Variants in FBXL17 observed in about 807,000 individuals in gnomAD.
FBXL17 encodes F-box and leucine rich repeat protein 17, also known as F-box/LRR-repeat protein 17.
Under a neutral mutation model 66.2 loss-of-function variants are expected in FBXL17, and 22 were observed. That is an observed-to-expected ratio of 0.33 (90% CI 0.24 to 0.47). The LOEUF (loss-of-function observed/expected upper bound fraction) is 0.47. FBXL17 is among the 20% of genes least tolerant of loss of function. The pLI is 1.00. For missense variants in FBXL17, 878 were observed against 948.2 expected (o/e 0.93, Z 0.97); for synonymous variants, 474 against 400.5 (o/e 1.18, Z -2.19).
chr5:108,381,154 G>A lies in FBXL17; in HGVS notation c.538C>T (p.Arg180Trp), dbSNP rs1451982318. Reference protein sequence around the residue: ...LGPPAAVQLFRGPTPSPAELP... With the variant: ...LGPPAAVQLFWGPTPSPAELP... The stretch of plus-strand genomic sequence containing the variant: ...TCGGCCGGTGACGGTGTCGGCCCCC[G>A]GAAGAGCTGCACGGCGGCGGGCGGC... Residue 180 changes from arginine (R) to tryptophan (W), a missense_variant, in exon 1 of 9, where the codon CGG becomes TGG. By Grantham distance (101) the Arg-to-Trp change is moderately radical. This residue lies in a region of FBXL17 where 605 missense variants were observed against 509.5 expected (regional missense o/e 1.19). Coordinates refer to ENST00000542267, the MANE Select transcript of FBXL17 (RefSeq NM_001163315.3). 3.5e-6 allele frequency: 5 copies of A among 1,408,832 alleles called. No individual in the cohort carries two copies. The Admixed American group carries it at 1.2e-4, about 33-fold the overall frequency. 87.3% of individuals were successfully genotyped at this position (1,408,832 alleles called of 1,614,324 possible).
In FBXL17 at chr5:108,154,315, C is replaced by T. The variant is rs560649123; in HGVS notation, c.1745+31802G>A. Among the ~76,000 whole-genome samples, 21 of 142,504 alleles carry T rather than the reference C, an allele frequency of 1.5e-4. No homozygotes were observed. In the Middle Eastern group the frequency reaches 0.012, roughly 83 times the overall value. 93.5% of individuals were successfully genotyped at this position (142,504 alleles called of 152,430 possible). ...AAAAAAAAAAAAAAAAAAGATATGC[C>T]AGGCATGGTGGCTCACGCCTGTAAT... On this transcript the variant is annotated intron_variant, in intron 6 of 8. Transcript: ENST00000542267.
intron 7 of FBXL17, among the ~76,000 whole-genome samples, chr5:107,907,809 G>A (rs1462793242): frequency 1.3e-5 from 2 of 152,174 alleles, no homozygotes; most frequent in Non-Finnish European, 2.9e-5. Flanking sequence ...GTGCTGGAGA[G>A]GATGTGGAGA....
chr5:108,214,426 G>A (rs866235829), intron 5 of FBXL17, among the ~76,000 whole-genome samples: 3 of 148,770 alleles, frequency 2.0e-5, no homozygotes, highest in Non-Finnish European at 4.4e-5. Flanking sequence ...AGAATGCAGT[G>A]GCTCAATCTT....
intron 2 of FBXL17, among the ~76,000 whole-genome samples, chr5:108,366,757 AAATAACAAATTATCTT>A (rs1172178537): frequency 6.6e-6 from 1 of 152,086 alleles, no homozygotes; most frequent in African/African-American, 2.4e-5. Context: ...CCAAGCAAGT[AAATAACAAATTATCTT>A]AATAGTTTTA....
At chr5:107,866,142 C>T (rs187735516) in intron 8 of FBXL17, among the ~76,000 whole-genome samples, 2 of 151,806 alleles carry the variant, frequency 1.3e-5, no homozygotes, top group African/African-American at 4.8e-5. Flanking sequence ...AATTTCTTTT[C>T]CTCTTGCTGA....
intron 7 of FBXL17, among the ~76,000 whole-genome samples, chr5:107,968,642 T>C (rs1752244760): frequency 6.6e-6 from 1 of 152,174 alleles, no homozygotes; most frequent in Non-Finnish European, 1.5e-5. Context: ...ATTATTTTAA[T>C]ATAAAACTTA....
At chr5:108,085,506 C>T (rs1255120997) in intron 6 of FBXL17, among the ~76,000 whole-genome samples, 1 of 152,206 alleles carries the variant, frequency 6.6e-6, no homozygotes, top group Non-Finnish European at 1.5e-5. Flanking sequence ...TTCTTCTTTA[C>T]CTCTGCCACT....
intron 6 of FBXL17, among the ~76,000 whole-genome samples, chr5:108,161,161 G>GATAGATAGATACATAC (rs376656671): frequency 1.5e-4 from 22 of 149,202 alleles, no homozygotes; most frequent in African/African-American, 5.5e-4. Flanking sequence ...TCAACAAATA[G>GATAGATAGATACATAC]ATACATACAT....
intron 6 of FBXL17, among the ~76,000 whole-genome samples, chr5:108,043,117 C>T (rs537573835): frequency 3.3e-5 from 5 of 152,134 alleles, no homozygotes; most frequent in Admixed American, 1.3e-4. Flanking sequence ...ATATGCGATA[C>T]GTTAGTCATT....
intron 4 of FBXL17, among the ~76,000 whole-genome samples, chr5:108,322,604 A>G (rs1372830050): frequency 6.6e-6 from 1 of 151,952 alleles, no homozygotes; most frequent in Admixed American, 6.6e-5. Context: ...CCTGGTTTGT[A>G]TTTTTGAAAA....
intron 6 of FBXL17, among the ~76,000 whole-genome samples, chr5:108,164,736 C>T (rs1752351908): frequency 6.6e-6 from 1 of 152,186 alleles, no homozygotes; most frequent in Non-Finnish European, 1.5e-5. Flanking sequence ...CTACTGCTGT[C>T]TCCATTTTAC....
chr5:107,954,716 A>G (rs143533347), intron 7 of FBXL17, among the ~76,000 whole-genome samples: 103 of 152,350 alleles, frequency 6.8e-4, no homozygotes, highest in African/African-American at 2.4e-3. Flanking sequence ...AAGACAGCAG[A>G]TGGAAAGAAA....
chr5:108,356,740 T>C (rs991561164), intron 3 of FBXL17, among the ~76,000 whole-genome samples: 2 of 152,102 alleles, frequency 1.3e-5, no homozygotes. Context: ...GTATCTATAA[T>C]GGTAGATACA....
At chr5:108,343,615 A>C (rs1216893796) in intron 4 of FBXL17, among the ~76,000 whole-genome samples, 2 of 152,204 alleles carry the variant, frequency 1.3e-5, no homozygotes, top group East Asian at 3.8e-4. Context: ...AGTAAGAGTC[A>C]GGAAATGGAA....
chr5:108,032,590 A>C (rs1649542784), intron 6 of FBXL17, among the ~76,000 whole-genome samples: 2 of 152,156 alleles, frequency 1.3e-5, no homozygotes, highest in South Asian at 4.1e-4. Context: ...ATTACTACAG[A>C]AACAGAGATT....
At chr5:108,026,969 G>A (rs908754159) in intron 6 of FBXL17, among the ~76,000 whole-genome samples, 50 of 152,280 alleles carry the variant, frequency 3.3e-4, no homozygotes, top group African/African-American at 1.2e-3. Context: ...AGGCAGAGCA[G>A]ATGTCATTTG....
At chr5:108,087,590 A>T (rs540334595) in intron 6 of FBXL17, among the ~76,000 whole-genome samples, 12 of 152,116 alleles carry the variant, frequency 7.9e-5, no homozygotes, top group Non-Finnish European at 1.8e-4. Context: ...CCTAGTAAAC[A>T]TCTTATACCC....
At position 108,380,833 on chromosome 5, in the gene FBXL17, A is replaced by G; in HGVS notation, c.859T>C (p.Leu287=). The change falls in exon 1 of 9, where the codon TTG becomes CTG. Residue 287 remains leucine, a synonymous_variant. Transcript: ENST00000542267. ...CATTCATGCTGCTGCTGGGCGGACA[A>G]GGGGGCGGTGCCCCCGGCTCGGACA... ...DAVRAGGTAP[L]SAQQQHECGD... is the part of the protein sequence containing the mutation. 8.0e-7 allele frequency: 1 copy of G among 1,247,434 alleles called. No homozygotes were observed. The highest frequency in any genetic ancestry group is 1.0e-6 in the Non-Finnish European group (1 of 988,116). The allele number at this position is 1,247,434 out of a possible 1,614,324, so 77.3% of individuals were successfully genotyped here. A position where few individuals can be genotyped will look rare whatever the true frequency, so the allele number is the denominator to read the frequency against.
chr5:108,148,539 T>A (rs2149993735), intron 6 of FBXL17, among the ~76,000 whole-genome samples: 1 of 152,318 alleles, frequency 6.6e-6, no homozygotes, highest in African/African-American at 2.4e-5. Context: ...CCTCAGTTTA[T>A]CTTTTATCAA....
Sources: gnomAD v4.1 joint callset for allele counts (sites outside exome capture counted in the v4.1 genomes callset) on GRCh38, gnomAD v4.1.1 for gene constraint, gnomAD v4.1.1 regional missense constraint, MANE v1.5 for transcripts, NCBI Gene and HGNC (gene_info 2026-07-23, HGNC 2026-07-21) for gene names.